DSCAM: variants seen among roughly 807,000 people sequenced by gnomAD.
DSCAM encodes the protein DS cell adhesion molecule, also known as cell adhesion molecule DSCAM.
Under a neutral mutation model 217.7 loss-of-function variants are expected in DSCAM, and 47 were observed. The ratio of observed to expected loss-of-function variants is 0.22; its 90% CI spans 0.17 to 0.28. The LOEUF is 0.28. Ranked by LOEUF, DSCAM falls within the 10% of genes least tolerant of loss-of-function variation. DSCAM has a pLI of 1.00. For synonymous variants in DSCAM, 1,056 were observed against 1,015.3 expected, an observed-to-expected ratio of 1.04 and a Z score of -0.76; for missense variants, 2,080 against 2,618.3, an observed-to-expected ratio of 0.79 and a Z score of 4.49.
At chr21:40,350,877 CTTTTTTTTTT>C (rs10658416) in intron 5 of DSCAM, among the ~76,000 whole-genome samples, 13 of 63,878 alleles carry the variant, frequency 2.0e-4, no homozygotes, top group Middle Eastern at 0.02. Context: ...ATAAGTCATA[CTTTTTTTTTT>C]TTTTTTTTTT....
intron 3 of DSCAM, among the ~76,000 whole-genome samples, chr21:40,497,810 C>T (rs1392587863): frequency 3.9e-5 from 6 of 152,194 alleles, no homozygotes; most frequent in African/African-American, 1.4e-4. Context: ...TAAAGATCAG[C>T]TTGCATACAT....
intron 3 of DSCAM, among the ~76,000 whole-genome samples, chr21:40,406,530 A>T (rs997812522): frequency 1.3e-5 from 2 of 152,226 alleles, no homozygotes; most frequent in African/African-American, 4.8e-5. Context: ...ACGCTAAGTG[A>T]AACAAGCCAG....
At chr21:40,322,506 T>A (rs533121011) in intron 8 of DSCAM, among the ~76,000 whole-genome samples, 3 of 142,334 alleles carry the variant, frequency 2.1e-5, no homozygotes, top group African/African-American at 5.1e-5. Flanking sequence ...CATGTCATTA[T>A]AGAAAGCGGG....
At chr21:40,220,859 C>T (rs915303731) in intron 11 of DSCAM, among the ~76,000 whole-genome samples, 8 of 152,274 alleles carry the variant, frequency 5.3e-5, no homozygotes, top group Middle Eastern at 3.4e-3. Flanking sequence ...TATCCTTCTG[C>T]GCTCATCACT....
At chr21:40,716,772 G>C (rs2090846913) in intron 1 of DSCAM, among the ~76,000 whole-genome samples, 1 of 152,142 alleles carries the variant, frequency 6.6e-6, no homozygotes, top group Admixed American at 6.5e-5. Context: ...CACCTACTAG[G>C]TACCAGGTCT....
chr21:40,768,546 G>C (rs903718872), intron 1 of DSCAM, among the ~76,000 whole-genome samples: 1 of 152,164 alleles, frequency 6.6e-6, no homozygotes, highest in African/African-American at 2.4e-5. Flanking sequence ...ATTAGAGATG[G>C]CTAATATTTT....
chr21:40,471,027 T>A (rs2075883985), intron 3 of DSCAM, among the ~76,000 whole-genome samples: 1 of 152,206 alleles, frequency 6.6e-6, no homozygotes, highest in African/African-American at 2.4e-5. Flanking sequence ...TCATATTCCA[T>A]TTTCTCTAGC....
chr21:40,773,013 C>T (rs2091459807), intron 1 of DSCAM, among the ~76,000 whole-genome samples: 1 of 152,366 alleles, frequency 6.6e-6, no homozygotes, highest in South Asian at 2.1e-4. Context: ...CCTATTGCCA[C>T]AGGTGGATCA....
chr21:40,521,443 A>C (rs2076358188), intron 3 of DSCAM, among the ~76,000 whole-genome samples: 1 of 152,204 alleles, frequency 6.6e-6, no homozygotes, highest in Non-Finnish European at 1.5e-5. Context: ...CTTTTGGATA[A>C]TAGCCATTCT....
At chr21:40,357,047 C>T (rs1391863139) in intron 4 of DSCAM, among the ~76,000 whole-genome samples, 1 of 152,076 alleles carries the variant, frequency 6.6e-6, no homozygotes, top group Non-Finnish European at 1.5e-5. Flanking sequence ...TTAAAGAATA[C>T]TTGATGAGCT....
intron 11 of DSCAM, among the ~76,000 whole-genome samples, chr21:40,222,407 A>G (rs80044512): frequency 1.0e-3 from 155 of 152,350 alleles, no homozygotes; most frequent in African/African-American, 3.7e-3. Context: ...GGCTGTTGAT[A>G]TGGTTTTTGG....
At chr21:40,488,164 A>G (rs1028140614) in intron 3 of DSCAM, among the ~76,000 whole-genome samples, 1 of 152,196 alleles carries the variant, frequency 6.6e-6, no homozygotes, top group Non-Finnish European at 1.5e-5. Flanking sequence ...TACCAACTCT[A>G]TGAGTGTGTC....
chr21:40,048,506 T>G (rs1363615292), intron 30 of DSCAM, among the ~76,000 whole-genome samples: 1 of 152,228 alleles, frequency 6.6e-6, no homozygotes, highest in East Asian at 1.9e-4. Context: ...CAAATTGTTA[T>G]GATTTCTTCC....
intron 3 of DSCAM, among the ~76,000 whole-genome samples, chr21:40,493,097 G>GA (rs1485769107): frequency 6.6e-6 from 1 of 152,142 alleles, no homozygotes; most frequent in African/African-American, 2.4e-5. Context: ...AATGCTGAAA[G>GA]AAAAAACTGC....
chr21:40,357,957 T>C (rs1282702919), intron 4 of DSCAM, among the ~76,000 whole-genome samples: 1 of 152,202 alleles, frequency 6.6e-6, no homozygotes, highest in Non-Finnish European at 1.5e-5. Context: ...ATATTGAAGA[T>C]ATTAGAAAGT....
At chr21:40,798,745 G>T (rs1295876097) in intron 1 of DSCAM, among the ~76,000 whole-genome samples, 1 of 152,088 alleles carries the variant, frequency 6.6e-6, no homozygotes, top group Non-Finnish European at 1.5e-5. Context: ...AGACATACCA[G>T]ACTGTTAGCA....
chr21:40,013,143 G>A lies in DSCAM; in HGVS notation c.5930C>T (p.Ala1977Val). The A allele has an allele frequency of 2.5e-6, 4 of 1,613,148 alleles. No individual in the cohort carries two copies. Among genetic ancestry groups the A allele is most frequent in the Non-Finnish European group, 3.4e-6 (4 of 1,179,452 alleles). Residue 1977 changes from alanine (A) to valine (V), a missense_variant, in exon 33 of 33, where the codon GCA becomes GTA. By Grantham distance (64) the Ala-to-Val change is moderately conservative. This residue lies in a region of DSCAM where 145 missense variants were observed against 138.5 expected (regional missense o/e 1.05). Coordinates refer to ENST00000400454, the MANE Select transcript of DSCAM (RefSeq NM_001389.5). ...CATTTTAGCTGCCTGTCCCAGCTCT[G>A]CTCCCTCCCGCTGAGGTAATGTGGC... ...AVATLPQREG[A>V]ELGQAAKMSS...
chr21:40,353,673 C>A lies in DSCAM; in HGVS notation c.726G>T (p.Val242=). Reference sequence around the variant, plus strand: ...GCCCGAGCGCTTTGCAAGGCAGCTCCACACGCTGCCCAGCCATGGCTTTGC... The same window carrying A: ...GCCCGAGCGCTTTGCAAGGCAGCTCAACACGCTGCCCAGCCATGGCTTTGC... The part of the protein sequence containing the change: ...DHRKAMAGQR[V]ELPCKALGHP... Residue 242 remains valine, a synonymous_variant, in exon 5 of 33, where the codon GTG becomes GTT. Transcript: ENST00000400454. The A allele has an allele frequency of 6.2e-7, 1 of 1,609,186 alleles. No homozygotes were observed.
chr21:40,497,737 CATTT>C (rs2076130947), intron 3 of DSCAM, among the ~76,000 whole-genome samples: 1 of 152,134 alleles, frequency 6.6e-6, no homozygotes, highest in Admixed American at 6.5e-5. Flanking sequence ...AATATATATA[CATTT>C]ATTTGTCAAT....
Sources: allele counts gnomAD v4.1 joint callset (sites outside exome capture counted in the v4.1 genomes callset), GRCh38; gene constraint gnomAD v4.1.1; regional missense constraint gnomAD v4.1.1; transcripts MANE v1.5; gene names NCBI Gene and HGNC (gene_info 2026-07-23, HGNC 2026-07-21).